CAMTA1: variants seen among roughly 807,000 people sequenced by gnomAD.
CAMTA1 encodes the protein calmodulin binding transcription activator 1, also known as calmodulin-binding transcription activator 1.
Under a neutral mutation model 170.9 loss-of-function variants are expected in CAMTA1, and 27 were observed. The ratio of observed to expected loss-of-function variants is 0.16; its 90% CI spans 0.12 to 0.22. The LOEUF is 0.22. CAMTA1 is among the 10% of genes least tolerant of loss of function. The pLI, the probability that CAMTA1 is intolerant of heterozygous loss-of-function variation, is 1.00. For missense variants in CAMTA1, 1,619 were observed against 2,217.2 expected, an observed-to-expected ratio of 0.73 and a Z score of 5.42; for synonymous variants, 833 against 891.5, an observed-to-expected ratio of 0.93 and a Z score of 1.17.
intron 3 of CAMTA1, among the ~76,000 whole-genome samples, chr1:6,967,582 G>A (rs78157589): frequency 0.015 from 2,259 of 152,284 alleles, 29 homozygotes; most frequent in East Asian, 0.036. Flanking sequence ...GTGGTTGAGG[G>A]CTCTAGGGCA....
At chr1:7,340,215 T>C (rs1214812107) in intron 5 of CAMTA1, among the ~76,000 whole-genome samples, 1 of 152,224 alleles carries the variant, frequency 6.6e-6, no homozygotes, top group African/African-American at 2.4e-5. Flanking sequence ...GGCAGCAGGC[T>C]GAATTTGGCC....
chr1:6,820,400 T>A, intron 2 of CAMTA1, 150 bp downstream of exon 2: 1 of 686,404 alleles, frequency 1.5e-6, no homozygotes, highest in Non-Finnish European at 2.5e-6. Flanking sequence ...GATGAGTTAC[T>A]TAATCCTTCT....
chr1:7,145,180 G>C (rs1295893280), intron 4 of CAMTA1, among the ~76,000 whole-genome samples: 1 of 152,318 alleles, frequency 6.6e-6, no homozygotes, highest in Middle Eastern at 3.4e-3. Flanking sequence ...ACCCCAAGGG[G>C]TGGAGATGCC....
At chr1:7,247,732 G>A (rs963209315) in intron 4 of CAMTA1, among the ~76,000 whole-genome samples, 69 of 152,272 alleles carry the variant, frequency 4.5e-4, no homozygotes, top group Non-Finnish European at 8.8e-4. Flanking sequence ...TTTCAGGGGC[G>A]GGGAGGGCTT....
intron 5 of CAMTA1, among the ~76,000 whole-genome samples, chr1:7,258,656 G>C (rs1394055891): frequency 6.6e-6 from 1 of 152,202 alleles, no homozygotes. Flanking sequence ...TAAGTGACCA[G>C]ACATGGTTAT....
chr1:7,460,600 C>A (rs556346125), intron 5 of CAMTA1, among the ~76,000 whole-genome samples: 2 of 151,792 alleles, frequency 1.3e-5, no homozygotes, highest in South Asian at 2.1e-4. Flanking sequence ...ACTGCCCCCC[C>A]CAACCCCAGC....
intron 16 of CAMTA1, among the ~76,000 whole-genome samples, chr1:7,739,911 G>A (rs538737125): frequency 1.2e-3 from 181 of 151,946 alleles, no homozygotes; most frequent in African/African-American, 4.3e-3. Flanking sequence ...ATGAGATTTC[G>A]GTGAGGACAG....
intron 3 of CAMTA1, among the ~76,000 whole-genome samples, chr1:7,004,999 T>C (rs1001900787): frequency 3.3e-5 from 5 of 152,226 alleles, no homozygotes; most frequent in Non-Finnish European, 1.5e-5. Context: ...CTCAAACTCC[T>C]GACCTCAAGT....
chr1:7,644,975 C>A (rs2095793170), intron 7 of CAMTA1, among the ~76,000 whole-genome samples: 2 of 152,204 alleles, frequency 1.3e-5, no homozygotes, highest in South Asian at 4.1e-4. Flanking sequence ...CGTCTGAGGC[C>A]TGGAGTTTAC....
chr1:7,469,839 C>T (rs913171306), intron 6 of CAMTA1, among the ~76,000 whole-genome samples: 2 of 152,224 alleles, frequency 1.3e-5, no homozygotes, highest in East Asian at 1.9e-4. Flanking sequence ...CTGCTCATTC[C>T]GGGTCCCTCC....
chr1:7,274,098 A>G (rs1023837345), intron 5 of CAMTA1, among the ~76,000 whole-genome samples: 2 of 152,116 alleles, frequency 1.3e-5, no homozygotes, highest in Non-Finnish European at 2.9e-5. Context: ...GTAGAGATAA[A>G]CCCAGCCATA....
intron 6 of CAMTA1, among the ~76,000 whole-genome samples, chr1:7,566,257 T>G (rs2095040972): frequency 6.6e-6 from 1 of 152,186 alleles, no homozygotes; most frequent in Non-Finnish European, 1.5e-5. Flanking sequence ...TCTAGACCTT[T>G]CTTTCCATTT....
At chr1:7,055,189 C>G (rs1283262677) in intron 3 of CAMTA1, among the ~76,000 whole-genome samples, 12 of 152,132 alleles carry the variant, frequency 7.9e-5, no homozygotes, top group Non-Finnish European at 4.4e-5. Context: ...GACACAGATC[C>G]AAACCATATC....
chr1:7,573,117 A>C (rs1407832042), intron 6 of CAMTA1, among the ~76,000 whole-genome samples: 3 of 152,186 alleles, frequency 2.0e-5, no homozygotes, highest in African/African-American at 4.8e-5. Context: ...GGGCAAACCT[A>C]ATGGAGTGGC....
chr1:7,438,743 G>A (rs1010175788), intron 5 of CAMTA1, among the ~76,000 whole-genome samples: 15 of 152,228 alleles, frequency 9.9e-5, no homozygotes, highest in African/African-American at 3.4e-4. Context: ...AGAACTCAAA[G>A]GGCCTCGAGG....
intron 3 of CAMTA1, among the ~76,000 whole-genome samples, chr1:7,034,712 A>G (rs1372678777): frequency 6.6e-6 from 1 of 152,172 alleles, no homozygotes; most frequent in African/African-American, 2.4e-5. Context: ...CTCTATAGCA[A>G]GAAAGCTGGG....
chr1:7,549,905 C>T (rs1017911787), intron 6 of CAMTA1, among the ~76,000 whole-genome samples: 8 of 152,082 alleles, frequency 5.3e-5, no homozygotes, highest in Non-Finnish European at 1.2e-4. Flanking sequence ...AAGAGGCTGG[C>T]CCCATCTCAG....
intron 5 of CAMTA1, among the ~76,000 whole-genome samples, chr1:7,269,500 G>T (rs981008153): frequency 1.1e-4 from 16 of 152,178 alleles, no homozygotes; most frequent in African/African-American, 3.9e-4. Flanking sequence ...AATATGCCCA[G>T]AATCAACAGG....
intron 6 of CAMTA1, among the ~76,000 whole-genome samples, chr1:7,602,399 G>A (rs895152447): frequency 9.2e-5 from 14 of 151,960 alleles, no homozygotes; most frequent in African/African-American, 9.7e-5. Flanking sequence ...TGTATGTGTC[G>A]AGGAATTTAT....
Sources: allele counts gnomAD v4.1 joint callset (sites outside exome capture counted in the v4.1 genomes callset), GRCh38; gene constraint gnomAD v4.1.1; transcripts MANE v1.5; gene names NCBI Gene and HGNC (gene_info 2026-07-23, HGNC 2026-07-21).